PFKFB3: variants seen among roughly 807,000 people sequenced by gnomAD.
The protein encoded by PFKFB3 is 6-phosphofructo-2-kinase/fructose-2,6-bisphosphatase 3.
A neutral mutation model predicts 68.0 loss-of-function variants in PFKFB3; 33 were observed. That is an observed-to-expected ratio of 0.49 (90% CI 0.37 to 0.65). PFKFB3 has a LOEUF of 0.65. PFKFB3 is among the 30% of genes least tolerant of loss of function. The pLI is 0.00. For synonymous variants in PFKFB3, 315 were observed against 288.2 expected (o/e 1.09, Z -0.94); for missense variants, 586 against 712.2 (o/e 0.82, Z 2.02).
chr10:6,324,748 C>G, the PFKFB3 span, among the ~76,000 whole-genome samples: 3 of 151,138 alleles, frequency 2.0e-5, no homozygotes, highest in Admixed American at 1.3e-4. Flanking sequence ...GTATTTAATG[C>G]CTCTGAACTA....
chr10:6,179,100 A>G lies in PFKFB3; in HGVS notation c.16+34087A>G, dbSNP rs76026205. Among the ~76,000 whole-genome samples, 869 of 152,392 alleles carry G rather than the reference A, an allele frequency of 5.7e-3. 3 individuals carry two copies. The highest frequency in any genetic ancestry group is 9.3e-3 in the Non-Finnish European group (633 of 68,038). ...CCGTATTCAATAAAAGGGAGCTAGT[A>G]TTCATTTAACAGCTGAGAAGAAAAA... On this transcript the variant is annotated intron_variant, in intron 1 of 14. Transcript: ENST00000379789.
intron 1 of PFKFB3, among the ~76,000 whole-genome samples, chr10:6,194,292 T>C (rs113994782): frequency 6.6e-6 from 1 of 152,244 alleles, no homozygotes; most frequent in Non-Finnish European, 1.5e-5. Context: ...AACCTAGATA[T>C]GCAGAGGTTC....
chr10:6,265,462 T>C, the PFKFB3 span, among the ~76,000 whole-genome samples: 13 of 152,194 alleles, frequency 8.5e-5, no homozygotes, highest in African/African-American at 1.4e-4. Context: ...TTTTATCAAA[T>C]GTTTCTCAAT....
chr10:6,282,332 T>C, the PFKFB3 span, among the ~76,000 whole-genome samples: 1 of 152,206 alleles, frequency 6.6e-6, no homozygotes, highest in South Asian at 2.1e-4. Context: ...TCTCCACTGG[T>C]TCTCAGATTC....
At chr10:6,203,586 G>A (rs1012861141) in intron 1 of PFKFB3, among the ~76,000 whole-genome samples, 20 of 151,728 alleles carry the variant, frequency 1.3e-4, no homozygotes, top group African/African-American at 3.9e-4. Context: ...ACCCCGAGAC[G>A]GAGGGACGCG....
the PFKFB3 span, among the ~76,000 whole-genome samples, chr10:6,269,480 A>T: frequency 1.3e-5 from 2 of 152,184 alleles, no homozygotes; most frequent in African/African-American, 4.8e-5. Context: ...GTCTTGTCTT[A>T]AGGAGCAACA....
chr10:6,203,728 C>T (rs921716014), intron 1 of PFKFB3, among the ~76,000 whole-genome samples: 3 of 152,126 alleles, frequency 2.0e-5, no homozygotes, highest in Non-Finnish European at 4.4e-5. Context: ...TTTCACCGTC[C>T]GGATCTCCTC....
At chr10:6,246,439 A>G (rs1846262368) in intron 14 of PFKFB3, among the ~76,000 whole-genome samples, 1 of 151,404 alleles carries the variant, frequency 6.6e-6, no homozygotes, top group African/African-American at 2.4e-5. Flanking sequence ...CCCGGGTTCA[A>G]GCAATTCTTC....
Position 6,203,191 on chromosome 10 carries a change from C to A in PFKFB3, c.-70C>A. Reference sequence around the variant, plus strand: ...CCCTCTCCTCCTTTGTTCCGGGGGTCGGCGGCCGCTCTCCTGCCAGCGTCG... The same window carrying A: ...CCCTCTCCTCCTTTGTTCCGGGGGTAGGCGGCCGCTCTCCTGCCAGCGTCG... On this transcript the variant is annotated 5_prime_UTR_variant, in exon 1 of 15. Transcript: ENST00000379775. 1.3e-6 allele frequency: 2 copies of A among 1,566,766 alleles called. No individual in the cohort carries two copies. The highest frequency in any genetic ancestry group is 1.7e-6 in the Non-Finnish European group (2 of 1,157,390).
At chr10:6,177,803 G>A (rs963541656) in intron 1 of PFKFB3, among the ~76,000 whole-genome samples, 1 of 152,170 alleles carries the variant, frequency 6.6e-6, no homozygotes, top group Non-Finnish European at 1.5e-5. Flanking sequence ...GATTACAGGT[G>A]TGTGCCACCG....
At chr10:6,281,182 T>TATATATATATATACAC in the PFKFB3 span, among the ~76,000 whole-genome samples, 1 of 133,692 alleles carries the variant, frequency 7.5e-6, no homozygotes, top group Admixed American at 7.6e-5. Flanking sequence ...TATATATATA[T>TATATATATATATACAC]ACACCACAGT....
chr10:6,272,759 G>A, the PFKFB3 span, among the ~76,000 whole-genome samples: 23,346 of 152,002 alleles, frequency 0.15, 2,158 homozygotes, highest in Middle Eastern at 0.2. Flanking sequence ...ATGAGTTTCC[G>A]TCAGCCCTGT....
chr10:6,226,370 G>C lies in PFKFB3; in HGVS notation c.1515+5G>C. ...CCCACGCAGCTGCCTGGACAAGTCAGTGCACTCCCCTTTCCTTCCTGCCTG... is the reference window on the plus strand; with the variant it reads ...CCCACGCAGCTGCCTGGACAAGTCACTGCACTCCCCTTTCCTTCCTGCCTG... On this transcript the variant is annotated splice_donor_5th_base_variant and intron_variant, in intron 14 of 14. Coordinates refer to ENST00000379775, the MANE Select transcript of PFKFB3 (RefSeq NM_004566.4). 1 of 1,604,726 alleles carries C rather than the reference G, an allele frequency of 6.2e-7. No individual in the cohort carries two copies. Among genetic ancestry groups the C allele is most frequent in the South Asian group, 1.1e-5 (1 of 89,808 alleles).
the PFKFB3 span, among the ~76,000 whole-genome samples, chr10:6,297,508 T>C: frequency 1.4e-5 from 2 of 139,204 alleles, no homozygotes; most frequent in Non-Finnish European, 3.0e-5. Flanking sequence ...GTGTCCTTCT[T>C]TTTTTTTTTG....
upstream of PFKFB3, among the ~76,000 whole-genome samples, chr10:6,198,473 T>C (rs1170349276): frequency 6.6e-6 from 1 of 152,164 alleles, no homozygotes; most frequent in African/African-American, 2.4e-5. Flanking sequence ...AAATATATGA[T>C]ATTTGTAGAA....
chr10:6,274,526 G>C, the PFKFB3 span, among the ~76,000 whole-genome samples: 1 of 152,208 alleles, frequency 6.6e-6, no homozygotes, highest in Non-Finnish European at 1.5e-5. Flanking sequence ...TTTCACAGTA[G>C]AGATGAAGGG....
intron 1 of PFKFB3, among the ~76,000 whole-genome samples, chr10:6,175,542 A>G (rs181512781): frequency 6.6e-6 from 1 of 152,326 alleles, no homozygotes; most frequent in East Asian, 1.9e-4. Flanking sequence ...TAGGGCTGCA[A>G]TAGGAACCTG....
chr10:6,219,136 C>T (rs1844782601), intron 6 of PFKFB3, among the ~76,000 whole-genome samples: 1 of 152,218 alleles, frequency 6.6e-6, no homozygotes, highest in African/African-American at 2.4e-5. Context: ...AGAAACCACA[C>T]AAGGCCAGAG....
Position 6,171,400 on chromosome 10 carries a change from C to T in PFKFB3, c.16+26387C>T, listed in dbSNP as rs868204549. The stretch of plus-strand genomic sequence containing the variant: ...CATCTTTTAAAATTGTTCTTTCTTT[C>T]TTTTTTTTTTTTTTGGAGACTGTCT... On this transcript the variant is annotated intron_variant, in intron 1 of 14. Transcript: ENST00000379789. 9.5e-3 allele frequency among the ~76,000 whole-genome samples: 1,339 copies of T among 141,638 alleles called. 11 individuals carry two copies. Among genetic ancestry groups the T allele is most frequent in the Non-Finnish European group, 0.015 (957 of 64,368 alleles). 92.9% of individuals were successfully genotyped at this position (141,638 alleles called of 152,430 possible). A position where few individuals can be genotyped will look rare whatever the true frequency, so the allele number is the denominator to read the frequency against.
Sources: gnomAD v4.1 joint callset for allele counts (sites outside exome capture counted in the v4.1 genomes callset) on GRCh38, gnomAD v4.1.1 for gene constraint, MANE v1.5 for transcripts, NCBI Gene and HGNC (gene_info 2026-07-23, HGNC 2026-07-21) for gene names.